The following RTTN variants were observed in gnomAD, a reference collection of about 807,000 sequenced individuals.
RTTN encodes the protein rotatin.
Under a neutral mutation model 269.2 loss-of-function variants are expected in RTTN, and 182 were observed. That is an observed-to-expected ratio of 0.68 (90% CI 0.60 to 0.76). The LOEUF is 0.76. Ranked by LOEUF, RTTN falls within the 30% of genes least tolerant of loss-of-function variation. The pLI, the probability that RTTN is intolerant of heterozygous loss-of-function variation, is 0.00. For synonymous variants in RTTN, 1,006 were observed against 963.5 expected, an observed-to-expected ratio of 1.04 and a Z score of -0.82; for missense variants, 2,545 against 2,608.6, an observed-to-expected ratio of 0.98 and a Z score of 0.53.
At chr18:70,178,874 T>A (rs2061360218) in intron 10 of RTTN, among the ~76,000 whole-genome samples, 1 of 151,940 alleles carries the variant, frequency 6.6e-6, no homozygotes, top group Admixed American at 6.6e-5. Flanking sequence ...AAAATGAGTC[T>A]GTGATCTGAA....
At chr18:70,186,908 C>T (rs1423555642) in intron 10 of RTTN, among the ~76,000 whole-genome samples, 2 of 152,128 alleles carry the variant, frequency 1.3e-5, no homozygotes. Context: ...AATTACCTAT[C>T]GGGTACTAGG....
chr18:70,018,826 CTTTTTTT>C (rs5825984), intron 45 of RTTN, among the ~76,000 whole-genome samples: 984 of 49,004 alleles, frequency 0.02, 18 homozygotes, highest in African/African-American at 0.058. Flanking sequence ...GTGGGCACTC[CTTTTTTT>C]TTTTTTTTTT....
chr18:70,151,921 G>A (rs1431446831), intron 14 of RTTN, among the ~76,000 whole-genome samples: 1 of 151,952 alleles, frequency 6.6e-6, no homozygotes, highest in African/African-American at 2.4e-5. Flanking sequence ...ACAAGAGTTC[G>A]CTGTCCTCAG....
intron 21 of RTTN, among the ~76,000 whole-genome samples, chr18:70,136,737 T>C (rs1391306077): frequency 6.6e-6 from 1 of 152,094 alleles, no homozygotes; most frequent in East Asian, 1.9e-4. Flanking sequence ...TGAGAGTGAT[T>C]TGGAAAGGAA....
In RTTN at chr18:70,109,495, T is replaced by C. The variant is rs1474325550; in HGVS notation, c.3903+3A>G. ...ATAACTACCATATGCTATTTTTACT[T>C]ACCTCAAGGAGACCTGACAAGTACT... On this transcript the variant is annotated splice_donor_region_variant and intron_variant, in intron 28 of 48. Transcript: ENST00000640769. 1 of 1,612,456 alleles carries C rather than the reference T, an allele frequency of 6.2e-7. No homozygotes were observed. Among genetic ancestry groups the C allele is most frequent in the Non-Finnish European group, 8.5e-7 (1 of 1,178,502 alleles).
Position 70,057,778 on chromosome 18 carries a change from C to T in RTTN, c.4995G>A (p.Leu1665=), listed in dbSNP as rs542445993. 1.6e-4 allele frequency: 262 copies of T among 1,613,818 alleles called. 3 individuals are homozygous for T. In the South Asian group the frequency reaches 2.6e-3, roughly 16 times the overall value. ...TGTGTTCAGCTGGAGGTGATGAAGG[C>T]AGCAGGGCTCTGAGTTCCTGGACAC... ...QTCVQELRAL[L]PSSPPAEHTQ... The change falls in exon 37 of 49, where the codon CTG becomes CTA. Residue 1665 remains leucine (L), a synonymous_variant. Coordinates refer to ENST00000640769, the MANE Select transcript of RTTN (RefSeq NM_173630.4).
chr18:70,170,131 T>C (rs1209396768), intron 11 of RTTN, among the ~76,000 whole-genome samples: 2 of 152,170 alleles, frequency 1.3e-5, no homozygotes, highest in Admixed American at 1.3e-4. Context: ...ACTTTCCTTT[T>C]TTTTGTGGGC....
intron 14 of RTTN, among the ~76,000 whole-genome samples, chr18:70,163,910 T>C (rs901651554): frequency 1.3e-5 from 2 of 152,184 alleles, no homozygotes; most frequent in Non-Finnish European, 2.9e-5. Flanking sequence ...TGTTGATACA[T>C]GTTACAACAT....
intron 28 of RTTN, among the ~76,000 whole-genome samples, chr18:70,107,800 C>T (rs1193607927): frequency 6.6e-6 from 1 of 152,114 alleles, no homozygotes; most frequent in Non-Finnish European, 1.5e-5. Flanking sequence ...TTAATGTCTG[C>T]AATGAAAGGG....
Position 70,196,508 on chromosome 18 carries a change from A to G in RTTN, c.834T>C (p.Asn278=). ...ACAGATAAAAATAAATACCGTGTTT[A>G]TTGGAGAAAAAACCTGGATCTCGGT... ...NFHRDPGFFS[N]KHDTVSQNSS... Residue 278 remains asparagine, a synonymous_variant, in exon 7 of 49, where the codon AAT becomes AAC. Transcript: ENST00000640769. 1 of 1,609,612 alleles carries G rather than the reference A, an allele frequency of 6.2e-7. No individual in the cohort carries two copies. The highest frequency in any genetic ancestry group is 8.5e-7 in the Non-Finnish European group (1 of 1,178,838).
Position 70,127,564 on chromosome 18 carries a change from C to G in RTTN, c.3321G>C (p.Lys1107Asn), listed in dbSNP as rs147728279. Residue 1107 changes from lysine to asparagine, a missense_variant, in exon 25 of 49, where the codon AAG (lysine) becomes AAC (asparagine). Physicochemically the swap from Lys to Asn is moderately conservative, Grantham distance 94. Coordinates refer to ENST00000640769, the MANE Select transcript of RTTN (RefSeq NM_173630.4). ...TAACCCCACATGGACCAGGGCAACC[C>G]TTTAAAGACAATCTGTCATTCAGAA... ...FYLLNDRLSLKGCPGPCGVTL... is the reference protein window; with the variant it reads ...FYLLNDRLSLNGCPGPCGVTL... 531 of 1,613,368 alleles carry G rather than the reference C, an allele frequency of 3.3e-4. No homozygotes were observed. The highest frequency in any genetic ancestry group is 4.3e-4 in the Admixed American group (26 of 59,832).
chr18:70,167,848 A>G (rs1339048495), intron 12 of RTTN, among the ~76,000 whole-genome samples: 1 of 152,184 alleles, frequency 6.6e-6, no homozygotes, highest in African/African-American at 2.4e-5. Flanking sequence ...AAGAAAAATC[A>G]TAAATATCAA....
chr18:70,169,913 TA>T (rs1470342814), intron 11 of RTTN, among the ~76,000 whole-genome samples: 1 of 152,192 alleles, frequency 6.6e-6, no homozygotes, highest in Non-Finnish European at 1.5e-5. Context: ...ATTTCATGGA[TA>T]ACCTATTTCA....
intron 19 of RTTN, among the ~76,000 whole-genome samples, chr18:70,141,302 C>A (rs1336334991): frequency 6.6e-6 from 1 of 152,100 alleles, no homozygotes; most frequent in Non-Finnish European, 1.5e-5. Context: ...AAAGTACATA[C>A]ATCACGTATG....
chr18:70,148,813 A>T, intron 17 of RTTN, 88 bp downstream of exon 17: 1 of 1,497,812 alleles, frequency 6.7e-7, no homozygotes. Flanking sequence ...AAAATTCTTT[A>T]GTTTTGTTTC....
At chr18:70,186,847 A>C (rs1164714424) in intron 10 of RTTN, among the ~76,000 whole-genome samples, 1 of 152,322 alleles carries the variant, frequency 6.6e-6, no homozygotes, top group East Asian at 1.9e-4. Context: ...AGAGGGGAAT[A>C]ACAGACACCA....
intron 21 of RTTN, among the ~76,000 whole-genome samples, chr18:70,135,620 T>C (rs369933566): frequency 1.3e-5 from 2 of 152,194 alleles, no homozygotes; most frequent in Non-Finnish European, 2.9e-5. Context: ...AACAAACTGA[T>C]ACAGCCTCTA....
At chr18:70,099,125 G>C (rs1043741172) in intron 28 of RTTN, among the ~76,000 whole-genome samples, 3 of 152,044 alleles carry the variant, frequency 2.0e-5, no homozygotes, top group Non-Finnish European at 4.4e-5. Context: ...GGAATGGCTG[G>C]GTAAAATGGT....
At chr18:70,067,216 G>A (rs1317120966) in intron 34 of RTTN, among the ~76,000 whole-genome samples, 2 of 149,458 alleles carry the variant, frequency 1.3e-5, no homozygotes, top group African/African-American at 4.9e-5. Flanking sequence ...CTGGAGTGCA[G>A]TGGCACGATC....
Sources: allele counts gnomAD v4.1 joint callset (sites outside exome capture counted in the v4.1 genomes callset), GRCh38; gene constraint gnomAD v4.1.1; transcripts MANE v1.5; gene names NCBI Gene and HGNC (gene_info 2026-07-23, HGNC 2026-07-21).